The following ERBB2 variants were observed in gnomAD, a reference collection of about 807,000 sequenced individuals.
ERBB2 encodes the protein erb-b2 receptor tyrosine kinase 2, also known as receptor tyrosine-protein kinase erbB-2.
Under a neutral mutation model 149.0 loss-of-function variants are expected in ERBB2, and 61 were observed. The ratio of observed to expected loss-of-function variants is 0.41; its 90% CI spans 0.33 to 0.51. The LOEUF is 0.51. Among genes scored for constraint, ERBB2 ranks in the 20% least tolerant of loss-of-function variants. The probability of loss-of-function intolerance (pLI) is 0.25; values close to 1 mark genes in which losing one functional copy is unlikely to be tolerated. For missense variants in ERBB2, 1,205 were observed against 1,655.1 expected (o/e 0.73, Z 4.72); for synonymous variants, 633 against 678.8 (o/e 0.93, Z 1.05).
chr17:39,697,547 G>C (rs1046440993), upstream of ERBB2, among the ~76,000 whole-genome samples: 2 of 151,648 alleles, frequency 1.3e-5, no homozygotes, highest in Non-Finnish European at 2.9e-5. Context: ...GTAGAGACAG[G>C]GTTTCTCCAT....
upstream of ERBB2, among the ~76,000 whole-genome samples, chr17:39,697,459 G>T (rs2057894092): frequency 6.7e-6 from 1 of 150,212 alleles, no homozygotes; most frequent in Non-Finnish European, 1.5e-5. Context: ...AGGTTCAAGC[G>T]ATTCACCTGC....
chr17:39,709,168 CAA>C, intron 3 of ERBB2, 148 bp from the exon 4 acceptor site: 1 of 880,336 alleles, frequency 1.1e-6, no homozygotes, highest in Non-Finnish European at 1.8e-6. Flanking sequence ...TGGTGGGACT[CAA>C]AGACGGTAAA....
intron 11 of ERBB2, 67 bp from the exon 12 acceptor site, chr17:39,715,673 G>T: frequency 6.3e-7 from 1 of 1,577,766 alleles, no homozygotes; most frequent in Non-Finnish European, 8.7e-7. Context: ...GGGGATGGAG[G>T]AAGATGAGAA....
chr17:39,701,396 C>T (rs1303989430), intron 1 of ERBB2, among the ~76,000 whole-genome samples: 1 of 152,014 alleles, frequency 6.6e-6, no homozygotes, highest in South Asian at 2.1e-4. Context: ...CCAGGCAGTG[C>T]GACCCCCAAC....
At position 39,706,975 on chromosome 17, in the gene ERBB2, G is replaced by A. The variant is rs1257608692; in HGVS notation, c.74-15G>A. Reference sequence around the variant, plus strand: ...CCCGCCAGTGTCCTCTGACCCATCTGCTCTCTCCTGCCAGTGTGCACCGGC... The same window carrying A: ...CCCGCCAGTGTCCTCTGACCCATCTACTCTCTCCTGCCAGTGTGCACCGGC... On this transcript the variant is annotated splice_polypyrimidine_tract_variant and intron_variant, in intron 1 of 26. Transcript: ENST00000269571. The A allele has an allele frequency of 1.3e-6, 2 of 1,556,340 alleles. No homozygotes were observed. The highest frequency in any genetic ancestry group is 1.7e-6 in the Non-Finnish European group (2 of 1,149,434).
Position 39,712,459 on chromosome 17 carries a change from G to A in ERBB2, c.1148+11G>A, listed in dbSNP as rs2145580893. On this transcript the variant is annotated intron_variant, in intron 9 of 26. Transcript: ENST00000269571. ...GGAGAGCTTTGATGGGTAAGAGTGGGCACGATGACCTGAGACAGTGTCAGG... is the reference window on the plus strand; with the variant it reads ...GGAGAGCTTTGATGGGTAAGAGTGGACACGATGACCTGAGACAGTGTCAGG... 1 of 1,613,130 alleles carries A rather than the reference G, an allele frequency of 6.2e-7. No individual in the cohort carries two copies.
chr17:39,724,594 A>G (rs2059644084), intron 19 of ERBB2, 132 bp from the exon 20 acceptor site: 1 of 754,972 alleles, frequency 1.3e-6, no homozygotes, highest in Non-Finnish European at 2.2e-6. Context: ...GGGTTTCACC[A>G]TGTTGTCCAG....
chr17:39,691,754 T>C (rs2145192236), upstream of ERBB2, among the ~76,000 whole-genome samples: 1 of 148,504 alleles, frequency 6.7e-6, no homozygotes, highest in East Asian at 2.0e-4. Flanking sequence ...TAAATGTCCA[T>C]CAATAGGGAA....
chr17:39,723,132 T>C lies in ERBB2; in HGVS notation c.1947-187T>C, dbSNP rs2059538331. Among the ~76,000 whole-genome samples the C allele has an allele frequency of 6.6e-6, 1 of 152,056 alleles. No individual in the cohort carries two copies. Among genetic ancestry groups the C allele is most frequent in the Admixed American group, 6.6e-5 (1 of 15,262 alleles). On this transcript the variant is annotated intron_variant, in intron 16 of 26. Coordinates refer to ENST00000269571, the MANE Select transcript of ERBB2 (RefSeq NM_004448.4). This position sits in a 1 kb window ranked among gnomAD's most constrained non-coding sequence, Gnocchi z 6.2. ...AGGGTTCTGATTGCCTACAAGGAGT[T>C]TGGACTTTATTGTGGAGGCAGCGGG... is the stretch of plus-strand genomic sequence containing the variant.
chr17:39,712,685 G>A (rs1306033238), intron 9 of ERBB2, among the ~76,000 whole-genome samples: 4 of 152,196 alleles, frequency 2.6e-5, no homozygotes, highest in Non-Finnish European at 4.4e-5. Context: ...TCTAGATAAA[G>A]TAAAATTCCC....
At chr17:39,717,566 C>G in intron 15 of ERBB2, 86 bp downstream of exon 15, 1 of 1,080,020 alleles carries the variant, frequency 9.3e-7, no homozygotes, top group Non-Finnish European at 1.3e-6. Flanking sequence ...GGGACCAACT[C>G]TCCCTTTGTC....
chr17:39,690,262 T>A (rs2057666041), upstream of ERBB2, among the ~76,000 whole-genome samples: 1 of 152,074 alleles, frequency 6.6e-6, no homozygotes, highest in Admixed American at 6.6e-5. Context: ...TTTTTTTAAT[T>A]TTTTGTAGAG....
At chr17:39,697,645 C>A (rs557454784), upstream of ERBB2, among the ~76,000 whole-genome samples, 3 of 152,092 alleles carry the variant, frequency 2.0e-5, no homozygotes, top group East Asian at 3.9e-4. Flanking sequence ...CATGAGCCAC[C>A]GCACCCAGCC....
upstream of ERBB2, chr17:39,696,709 G>C (rs981253275): frequency 2.0e-5 from 3 of 152,224 alleles, no homozygotes; most frequent in Admixed American, 6.5e-5. Context: ...CTGGAGTCTT[G>C]GGGACTCAGT....
intron 7 of ERBB2, 72 bp downstream of exon 7, chr17:39,710,553 G>T: frequency 6.5e-7 from 1 of 1,544,252 alleles, no homozygotes; most frequent in East Asian, 2.3e-5. Context: ...GGAGCATATG[G>T]GGAGCACTGT....
chr17:39,717,204 G>A (rs936542249), intron 14 of ERBB2, 116 bp from the exon 15 acceptor site: 16 of 830,304 alleles, frequency 1.9e-5, no homozygotes, highest in African/African-American at 7.0e-5. Context: ...GGAGCATGGC[G>A]AAAATTGCTG....
rs759753872 is a variant in ERBB2, at chr17:39,710,136, C to A, written c.694C>A (p.Pro232Thr). 6.2e-7 allele frequency: 1 copy of A among 1,611,784 alleles called. No individual in the cohort carries two copies. The highest frequency in any genetic ancestry group is 8.5e-7 in the Non-Finnish European group (1 of 1,179,772). Residue 232 changes from proline (P) to threonine (T), a missense_variant, in exon 6 of 27, where the codon CCC (proline) becomes ACC (threonine). Around this residue, in one of 6 missense-constraint regions of ERBB2, gnomAD observed 569 missense variants for 803.5 expected, o/e 0.71. Transcript: ENST00000269571. ...GGCARCKGPL[P>T]TDCCHEQCAA... Reference sequence around the variant, plus strand: ...CTGTGCCCGCTGCAAGGGGCCACTGCCCACTGACTGCTGCCATGAGCAGTG... The same window carrying A: ...CTGTGCCCGCTGCAAGGGGCCACTGACCACTGACTGCTGCCATGAGCAGTG...
intron 1 of ERBB2, among the ~76,000 whole-genome samples, chr17:39,701,223 C>T (rs1051553252): frequency 1.3e-5 from 2 of 152,084 alleles, no homozygotes; most frequent in African/African-American, 4.8e-5. Context: ...TAACATATAG[C>T]CTGGGCCAGG....
rs1365628992 is a variant in ERBB2, at chr17:39,709,361, C to G, written c.483C>G (p.Leu161=). Residue 161 remains leucine (L), a synonymous_variant, in exon 4 of 27, where the codon CTC becomes CTG. Transcript: ENST00000269571. ...GGVLIQRNPQ[L]CYQDTILWKD... Reference sequence around the variant, plus strand: ...TCTTGATCCAGCGGAACCCCCAGCTCTGCTACCAGGACACGATTTTGTGGA... The same window carrying G: ...TCTTGATCCAGCGGAACCCCCAGCTGTGCTACCAGGACACGATTTTGTGGA... 8 of 1,614,134 alleles carry G rather than the reference C, an allele frequency of 5.0e-6. No individual in the cohort carries two copies. The highest frequency in any genetic ancestry group is 5.1e-6 in the Non-Finnish European group (6 of 1,180,004).
Sources: allele counts gnomAD v4.1 joint callset (sites outside exome capture counted in the v4.1 genomes callset), GRCh38; gene constraint gnomAD v4.1.1; regional missense constraint gnomAD v4.1.1; non-coding constraint Gnocchi (gnomAD v3.1); transcripts MANE v1.5; gene names NCBI Gene and HGNC (gene_info 2026-07-23, HGNC 2026-07-21).